ROCK1: variants seen among roughly 807,000 people sequenced by gnomAD.
The protein encoded by ROCK1 is rho-associated protein kinase 1.
Under a neutral mutation model 196.8 loss-of-function variants are expected in ROCK1, and 36 were observed. The observed-to-expected ratio is 0.18, with a 90% CI of 0.14 to 0.24. The LOEUF is 0.24. Ranked by LOEUF, ROCK1 falls within the 10% of genes least tolerant of loss-of-function variation. ROCK1 has a pLI of 1.00. For missense variants in ROCK1, 920 were observed against 1,562.0 expected, an observed-to-expected ratio of 0.59 and a Z score of 6.93; for synonymous variants, 443 against 515.9, an observed-to-expected ratio of 0.86 and a Z score of 1.91.
In ROCK1 at chr18:21,074,769, AAGTT is replaced by A. The variant is rs199579410; in HGVS notation, c.94-4160_94-4157del. Among the ~76,000 whole-genome samples the A allele has an allele frequency of 2.2e-3, 339 of 152,348 alleles. 3 individuals are homozygous for A. The East Asian group carries it at 0.03, about 14-fold the overall frequency. On this transcript the variant is annotated intron_variant, in intron 1 of 32. Coordinates refer to ENST00000399799, the MANE Select transcript of ROCK1 (RefSeq NM_005406.3). Reference sequence around the variant, plus strand: ...ATACTTCCTGTCTCTCAGAGTTCAGAAGTTAGTTAGTAGGTAGAAAAAGTAAATA... The same window carrying A: ...ATACTTCCTGTCTCTCAGAGTTCAGAAGTTAGTAGGTAGAAAAAGTAAATA...
intron 16 of ROCK1, among the ~76,000 whole-genome samples, chr18:20,997,346 T>C (rs2035680649): frequency 6.6e-6 from 1 of 152,176 alleles, no homozygotes; most frequent in Non-Finnish European, 1.5e-5. Flanking sequence ...GTAGCAGTTA[T>C]ACTTGTATCA....
chr18:20,968,453 C>T (rs1448557163), intron 25 of ROCK1: 10 of 218,014 alleles, frequency 4.6e-5, no homozygotes, highest in East Asian at 1.2e-4. Context: ...ATTACTGGAG[C>T]GCACCACCAC....
chr18:21,075,153 G>A (rs913924203), intron 1 of ROCK1, among the ~76,000 whole-genome samples: 5 of 152,158 alleles, frequency 3.3e-5, no homozygotes, highest in African/African-American at 1.2e-4. Context: ...TTTTATTTTA[G>A]TAGTCTGGCA....
At chr18:21,008,252 G>T in intron 13 of ROCK1, 58 bp from the exon 14 acceptor site, 4 of 1,245,944 alleles carry the variant, frequency 3.2e-6, no homozygotes, top group East Asian at 2.7e-5. Flanking sequence ...ATTCATTCAA[G>T]TGAGTATTTT....
chr18:21,002,033 A>G (rs2035729669), intron 16 of ROCK1, among the ~76,000 whole-genome samples: 1 of 152,198 alleles, frequency 6.6e-6, no homozygotes, highest in South Asian at 2.1e-4. Context: ...AAATCATTAA[A>G]AGTAGAAATC....
At chr18:21,079,392 C>T (rs895102916) in intron 1 of ROCK1, among the ~76,000 whole-genome samples, 12 of 152,316 alleles carry the variant, frequency 7.9e-5, no homozygotes, top group South Asian at 2.1e-4. Context: ...AACATCCCTC[C>T]ACGTGAGATC....
chr18:21,045,888 C>T (rs1392724592), intron 4 of ROCK1, among the ~76,000 whole-genome samples: 1 of 134,776 alleles, frequency 7.4e-6, no homozygotes, highest in African/African-American at 2.8e-5. Context: ...ATTTGGCTTA[C>T]AGTTTCAGCT....
At chr18:21,085,005 A>C (rs1233769871) in intron 1 of ROCK1, among the ~76,000 whole-genome samples, 4 of 152,202 alleles carry the variant, frequency 2.6e-5, no homozygotes, top group African/African-American at 7.2e-5. Flanking sequence ...AAAAAGGAAA[A>C]ATATTGTATG....
At chr18:21,090,159 G>A (rs1411119901) in intron 1 of ROCK1, among the ~76,000 whole-genome samples, 1 of 152,190 alleles carries the variant, frequency 6.6e-6, no homozygotes, top group African/African-American at 2.4e-5. Flanking sequence ...AGAAAATACT[G>A]GTTCCTTGAA....
chr18:21,023,411 TACTA>T (rs2035930650), intron 11 of ROCK1, among the ~76,000 whole-genome samples: 1 of 152,156 alleles, frequency 6.6e-6, no homozygotes, highest in Non-Finnish European at 1.5e-5. Flanking sequence ...CAATTTAGTT[TACTA>T]ACTGCCTCCA....
intron 1 of ROCK1, among the ~76,000 whole-genome samples, chr18:21,108,410 A>G (rs2143612179): frequency 6.6e-6 from 1 of 152,296 alleles, no homozygotes; most frequent in Middle Eastern, 3.4e-3. Flanking sequence ...AATGACTTCT[A>G]AATCATTATC....
At chr18:20,992,994 A>C (rs1387262500) in intron 16 of ROCK1, 57 bp from the exon 17 acceptor site, 1 of 1,008,332 alleles carries the variant, frequency 9.9e-7, no homozygotes, top group East Asian at 2.4e-5. Context: ...CTTTTTGTTC[A>C]GTATTGACAA....
At chr18:21,027,785 G>A (rs868221087) in intron 10 of ROCK1, among the ~76,000 whole-genome samples, 10 of 112,946 alleles carry the variant, frequency 8.9e-5, no homozygotes, top group African/African-American at 1.4e-4. Flanking sequence ...TTTTTGAGAC[G>A]GAGTCTCGCT....
At chr18:21,020,982 C>T (rs1401170794) in intron 11 of ROCK1, among the ~76,000 whole-genome samples, 5 of 152,090 alleles carry the variant, frequency 3.3e-5, no homozygotes, top group Non-Finnish European at 7.3e-5. Context: ...TAATGAACAG[C>T]TTAGAGGGCA....
At chr18:21,008,872 G>C (rs1234039663) in intron 13 of ROCK1, among the ~76,000 whole-genome samples, 2 of 152,102 alleles carry the variant, frequency 1.3e-5, no homozygotes, top group Admixed American at 1.3e-4. Context: ...CCCCAGTAGA[G>C]ACATTATATA....
At chr18:21,048,801 T>C (rs2036181972) in intron 4 of ROCK1, among the ~76,000 whole-genome samples, 2 of 152,154 alleles carry the variant, frequency 1.3e-5, no homozygotes, top group African/African-American at 4.8e-5. Context: ...CCTCCCGCCT[T>C]GTCCTCCCAA....
rs759900728 is a variant in ROCK1, at chr18:20,970,433, T to C, written c.2735A>G (p.Gln912Arg). ...GCTTTCTTGCGTCAATTCAAAATACTGTTCTTCCAGAAGGCCTCGCGCCAA... is the reference window on the plus strand; with the variant it reads ...GCTTTCTTGCGTCAATTCAAAATACCGTTCTTCCAGAAGGCCTCGCGCCAA... ...EQLARGLLEE[Q>R]YFELTQESKK... The change falls in exon 23 of 33, where the codon CAG (glutamine) becomes CGG (arginine). Residue 912 changes from glutamine (Q) to arginine (R), a missense_variant. Transcript: ENST00000399799. The C allele has an allele frequency of 1.9e-6, 3 of 1,613,972 alleles. No homozygotes were observed. Among genetic ancestry groups the C allele is most frequent in the Admixed American group, 1.7e-5 (1 of 60,026 alleles).
At chr18:21,001,584 G>A (rs796307930) in intron 16 of ROCK1, among the ~76,000 whole-genome samples, 9 of 152,182 alleles carry the variant, frequency 5.9e-5, no homozygotes, top group African/African-American at 2.2e-4. Context: ...GGCCAACATG[G>A]TGAAACCCTG....
At chr18:20,954,692 A>C in intron 31 of ROCK1, 91 bp downstream of exon 31, 1 of 1,284,294 alleles carries the variant, frequency 7.8e-7, no homozygotes, top group Non-Finnish European at 1.1e-6. Flanking sequence ...TCTCTTTTCA[A>C]CTTGGTATAG....
Sources: gnomAD v4.1 joint callset for allele counts (sites outside exome capture counted in the v4.1 genomes callset) on GRCh38, gnomAD v4.1.1 for gene constraint, MANE v1.5 for transcripts, NCBI Gene and HGNC (gene_info 2026-07-23, HGNC 2026-07-21) for gene names.